CEP112: variants seen among roughly 807,000 people sequenced by gnomAD.
CEP112 encodes the protein centrosomal protein 112, also known as centrosomal protein of 112 kDa.
CEP112 carries 127 observed loss-of-function variants against 153.0 expected under a neutral mutation model. The observed-to-expected ratio is 0.83, with a 90% CI of 0.72 to 0.96. The LOEUF (loss-of-function observed/expected upper bound fraction) is 0.96. Among genes scored for constraint, CEP112 ranks in the 40% least tolerant of loss-of-function variants. The probability of loss-of-function intolerance (pLI) is 0.00; values close to 1 mark genes in which losing one functional copy is unlikely to be tolerated. For missense variants in CEP112, 1,089 were observed against 1,101.2 expected (o/e 0.99, Z 0.16); for synonymous variants, 358 against 374.4 (o/e 0.96, Z 0.51).
intron 23 of CEP112, among the ~76,000 whole-genome samples, chr17:65,718,084 C>A (rs2049641625): frequency 6.6e-6 from 1 of 152,144 alleles, no homozygotes; most frequent in African/African-American, 2.4e-5. Flanking sequence ...CTGGAAGTTG[C>A]ATTTACTATT....
Position 65,883,019 on chromosome 17 carries a change from A to G in CEP112, c.2163+19133T>C, listed in dbSNP as rs186052430. ...ACATGCATATGTTTGCTGAGGTCAC[A>G]GTCTGTACTAGGAACCTTTTAGGCA... On this transcript the variant is annotated intron_variant, in intron 20 of 26. Transcript: ENST00000535342. Among the ~76,000 whole-genome samples the G allele has an allele frequency of 3.5e-3, 527 of 152,276 alleles. 4 individuals carry two copies. Among genetic ancestry groups the G allele is most frequent in the African/African-American group, 0.012 (488 of 41,552 alleles).
intron 2 of CEP112, among the ~76,000 whole-genome samples, chr17:66,178,751 G>A (rs1227856239): frequency 2.0e-5 from 3 of 152,154 alleles, no homozygotes; most frequent in African/African-American, 7.2e-5. Flanking sequence ...CAAGGGTCTA[G>A]TTTCATTCTT....
intron 6 of CEP112, among the ~76,000 whole-genome samples, chr17:66,107,944 C>T (rs1211242124): frequency 6.6e-6 from 1 of 152,080 alleles, no homozygotes. Flanking sequence ...GGCATAAAAA[C>T]AGACACACAC....
intron 24 of CEP112, among the ~76,000 whole-genome samples, chr17:65,674,290 A>G (rs2047120425): frequency 6.6e-6 from 1 of 152,254 alleles, no homozygotes; most frequent in African/African-American, 2.4e-5. Flanking sequence ...ATGAATGATT[A>G]GATAATCCAT....
chr17:66,137,370 T>C (rs2070482481), intron 4 of CEP112, among the ~76,000 whole-genome samples: 1 of 151,974 alleles, frequency 6.6e-6, no homozygotes, highest in Admixed American at 6.5e-5. Context: ...CCAATTTACA[T>C]ATTACTAAAG....
At position 65,679,061 on chromosome 17, in the gene CEP112, T is replaced by C. The variant is rs944633433; in HGVS notation, c.2697+10068A>G. Among the ~76,000 whole-genome samples, 2 of 149,400 alleles carry C rather than the reference T, an allele frequency of 1.3e-5. 1 individual carries two copies. The highest frequency in any genetic ancestry group is 4.2e-4 in the South Asian group (2 of 4,728). ...CCAAAATCTATTAGAATAACTGATT[T>C]ATAAGAAATATTTTGATAAGATGTG... is the stretch of plus-strand genomic sequence containing the variant. On this transcript the variant is annotated intron_variant, in intron 24 of 26. Transcript: ENST00000535342.
Position 65,790,347 on chromosome 17 carries a change from A to C in CEP112, c.2395-39623T>G, listed in dbSNP as rs2054518739. On this transcript the variant is annotated intron_variant, in intron 21 of 26. Coordinates refer to ENST00000535342, the MANE Select transcript of CEP112 (RefSeq NM_001199165.4). Reference sequence around the variant, plus strand: ...GGGAACTGAGACCAAGGACCCAGGTAGAAGCCTGGGGAATAAGGAAAAAGG... The same window carrying C: ...GGGAACTGAGACCAAGGACCCAGGTCGAAGCCTGGGGAATAAGGAAAAAGG... Among the ~76,000 whole-genome samples the C allele has an allele frequency of 1.3e-5, 2 of 152,186 alleles. 1 individual carries two copies. The highest frequency in any genetic ancestry group is 4.1e-4 in the South Asian group (2 of 4,832).
rs1235183526 is a variant in CEP112, at chr17:65,851,953, C to T, written c.2245G>A (p.Val749Ile). Reference protein sequence around the residue: ...NVNSQRKQQLVELGLLREEEK... With the variant: ...NVNSQRKQQLIELGLLREEEK... ...TCTTCACGAAGAAGACCAAGCTCTA[C>T]CAGCTGCTGTTTCCGCTGTGAGTTC... Residue 749 changes from valine to isoleucine, a missense_variant, in exon 21 of 27, where the codon GTA (valine) becomes ATA (isoleucine). Val to Ile is a conservative substitution (Grantham distance 29). Transcript: ENST00000535342. 6.2e-7 allele frequency: 1 copy of T among 1,614,152 alleles called. No individual in the cohort carries two copies.
intron 21 of CEP112, among the ~76,000 whole-genome samples, chr17:65,756,367 T>G (rs887473390): frequency 1.5e-5 from 2 of 135,672 alleles, no homozygotes; most frequent in Non-Finnish European, 3.0e-5. Context: ...GATCGTGCCA[T>G]TGCACTCCAG....
At chr17:65,660,085 T>C (rs1380194928) in intron 24 of CEP112, among the ~76,000 whole-genome samples, 1 of 152,096 alleles carries the variant, frequency 6.6e-6, no homozygotes, top group African/African-American at 2.4e-5. Context: ...GTTAGGACTT[T>C]GAAGCTTATG....
At chr17:65,689,304 C>G in intron 23 of CEP112, 86 bp from the exon 24 acceptor site, 5 of 872,916 alleles carry the variant, frequency 5.7e-6, no homozygotes, top group South Asian at 1.5e-5. Flanking sequence ...CTAAAAAGGC[C>G]TCAGATCTCT....
chr17:65,866,269 G>C (rs980619027), intron 20 of CEP112, among the ~76,000 whole-genome samples: 1 of 152,216 alleles, frequency 6.6e-6, no homozygotes, highest in African/African-American at 2.4e-5. Context: ...CTGGCCGGTT[G>C]TGCGCACCCT....
intron 18 of CEP112, 144 bp downstream of exon 18, chr17:65,961,319 A>G: frequency 1.4e-6 from 1 of 730,882 alleles, no homozygotes; most frequent in Non-Finnish European, 2.2e-6. Flanking sequence ...TCTCTTTCTC[A>G]TTCTGAATCT....
intron 20 of CEP112, among the ~76,000 whole-genome samples, chr17:65,893,921 G>A (rs2059568937): frequency 6.6e-6 from 1 of 152,088 alleles, no homozygotes; most frequent in African/African-American, 2.4e-5. Flanking sequence ...AACATTTGAT[G>A]ATATCACCAT....
intron 24 of CEP112, among the ~76,000 whole-genome samples, chr17:65,681,675 ATTT>A (rs5821583): frequency 7.5e-6 from 1 of 133,458 alleles, no homozygotes. Flanking sequence ...CCTTTTTTTA[ATTT>A]TTTTTTTTTT....
At chr17:65,716,828 T>C (rs1201587467) in intron 23 of CEP112, among the ~76,000 whole-genome samples, 1 of 152,070 alleles carries the variant, frequency 6.6e-6, no homozygotes, top group Admixed American at 6.6e-5. Flanking sequence ...TGCATGATGC[T>C]GTAGAGGGGC....
chr17:65,689,601 T>C (rs903862504), intron 23 of CEP112, among the ~76,000 whole-genome samples: 3 of 152,204 alleles, frequency 2.0e-5, no homozygotes, highest in African/African-American at 7.2e-5. Context: ...TTGTGACGGA[T>C]AGGAATTGTA....
intron 18 of CEP112, among the ~76,000 whole-genome samples, chr17:65,944,910 T>G (rs1454374324): frequency 6.6e-6 from 1 of 152,158 alleles, no homozygotes; most frequent in Non-Finnish European, 1.5e-5. Flanking sequence ...AATAATAAAT[T>G]CCTTTTGGAC....
At chr17:66,115,900 C>G (rs2069266908) in intron 6 of CEP112, among the ~76,000 whole-genome samples, 1 of 152,210 alleles carries the variant, frequency 6.6e-6, no homozygotes, top group Admixed American at 6.5e-5. Flanking sequence ...ACAATCTCAG[C>G]TGGACTTCCT....
Sources: gnomAD v4.1 joint callset for allele counts (sites outside exome capture counted in the v4.1 genomes callset) on GRCh38, gnomAD v4.1.1 for gene constraint, MANE v1.5 for transcripts, NCBI Gene and HGNC (gene_info 2026-07-23, HGNC 2026-07-21) for gene names.